Variants in MED12 observed in about 807,000 individuals in gnomAD.
The protein encoded by MED12 is mediator complex subunit 12.
In MED12, 10 loss-of-function variants were observed where a neutral mutation model predicts 177.7. The observed-to-expected ratio is 0.06, with a 90% CI of 0.03 to 0.10. MED12 has a LOEUF of 0.10. Ranked by LOEUF, MED12 falls within the 10% of genes least tolerant of loss-of-function variation. MED12 has a pLI of 1.00. For missense variants in MED12, 867 were observed against 1,780.8 expected, an observed-to-expected ratio of 0.49 and a Z score of 9.23; for synonymous variants, 641 against 678.4, an observed-to-expected ratio of 0.94 and a Z score of 0.86.
rs778635250 is a variant in MED12 at position 71,121,401 on chromosome X, T to C, written c.810T>C (p.Asp270=). Residue 270 remains aspartate, a synonymous_variant, in exon 6 of 45, where the codon GAT becomes GAC. Coordinates refer to ENST00000374080, the MANE Select transcript of MED12 (RefSeq NM_005120.3). ...ECFEKIRPGE[D]ELLKLLLPLL... is the part of the protein sequence containing the mutation. The stretch of plus-strand genomic sequence containing the variant: ...TTGAGAAGATCCGCCCTGGAGAGGA[T>C]GAATTGCTTAAACTGCTGCTGCCTC... The C allele has an allele frequency of 5.8e-6, 7 of 1,209,980 alleles. No individual in the cohort carries two copies. In the African/African-American group the frequency reaches 1.2e-4, roughly 21 times the overall value.
At chrX:71,131,416 G>A (rs1301177586) in intron 28 of MED12, 134 bp from the exon 29 acceptor site, 27 of 573,512 alleles carry the variant, frequency 4.7e-5, no homozygotes, top group Non-Finnish European at 6.9e-5. Context: ...TAAAGATGGG[G>A]ACATAGAGGT....
intron 21 of MED12, 71 bp from the exon 22 acceptor site, chrX:71,127,822 C>T: frequency 2.5e-6 from 2 of 811,115 alleles, no homozygotes; most frequent in Non-Finnish European, 3.7e-6. Context: ...CTTTTCTCCC[C>T]TTTCCTGACC....
At position 71,125,833 on chromosome X, in the gene MED12, T is replaced by C. The variant is rs73214869; in HGVS notation, c.2422+120T>C. ...AGTCTGTGGTCCTCTAAACCTTTGCTTCACTGTCCCCTTCCCTTCATTCCT... is the reference window on the plus strand; with the variant it reads ...AGTCTGTGGTCCTCTAAACCTTTGCCTCACTGTCCCCTTCCCTTCATTCCT... On this transcript the variant is annotated intron_variant, in intron 17 of 44. Coordinates refer to ENST00000374080, the MANE Select transcript of MED12 (RefSeq NM_005120.3). 3.1e-5 allele frequency: 21 copies of C among 684,329 alleles called. No individual in the cohort carries two copies. In the East Asian group the frequency reaches 7.1e-4, roughly 23 times the overall value. The allele number at this position is 684,329 out of a possible 1,213,427, so 56.4% of individuals were successfully genotyped here. A position where few individuals can be genotyped will look rare whatever the true frequency, so the allele number is the denominator to read the frequency against.
intron 1 of MED12, 63 bp from the exon 2 acceptor site, chrX:71,119,310 C>G (rs1408295853): frequency 2.4e-6 from 2 of 820,379 alleles, no homozygotes; most frequent in Admixed American, 2.6e-5. Flanking sequence ...TCCTGCCCTA[C>G]TCTCCCACCC....
intron 31 of MED12, 103 bp downstream of exon 31, chrX:71,132,641 G>A (rs772680405): frequency 5.7e-5 from 58 of 1,015,952 alleles, no homozygotes; most frequent in Non-Finnish European, 7.4e-5. Flanking sequence ...ATAGGAAAGT[G>A]GAAAATCAGA....
rs1467717182 is a variant in MED12 at position 71,119,492 on chromosome X, C to T, written c.204+15C>T. ...ATCCTGCCAAGGTGAGACAACTCTGCCAGGCTGAAGGAAAAGGCTGGAAGA... is the reference window on the plus strand; with the variant it reads ...ATCCTGCCAAGGTGAGACAACTCTGTCAGGCTGAAGGAAAAGGCTGGAAGA... On this transcript the variant is annotated intron_variant, in intron 2 of 44. Coordinates refer to ENST00000374080, the MANE Select transcript of MED12 (RefSeq NM_005120.3). 1 of 1,163,152 alleles carries T rather than the reference C, an allele frequency of 8.6e-7. No homozygotes were observed. Among genetic ancestry groups the T allele is most frequent in the Non-Finnish European group, 1.2e-6 (1 of 862,043 alleles).
In MED12 at chrX:71,126,430, C is replaced by T. The variant is rs751190759; in HGVS notation, c.2631C>T (p.Phe877=). Reference sequence around the variant, plus strand: ...TGGTGCAGCATGTGCAGTTCATCTTCGACCTCATGGAATATTCACTCAGCA... The same window carrying T: ...TGGTGCAGCATGTGCAGTTCATCTTTGACCTCATGGAATATTCACTCAGCA... ...LPLVQHVQFI[F]DLMEYSLSIS... Residue 877 remains phenylalanine (F), a synonymous_variant, in exon 19 of 45, where the codon TTC becomes TTT. Coordinates refer to ENST00000374080, the MANE Select transcript of MED12 (RefSeq NM_005120.3). 1.2e-5 allele frequency: 15 copies of T among 1,210,716 alleles called. No homozygotes were observed. Among genetic ancestry groups the T allele is most frequent in the African/African-American group, 1.7e-5 (1 of 57,442 alleles).
intron 36 of MED12, among the ~76,000 whole-genome samples, 184 bp from the exon 37 acceptor site, chrX:71,136,097 A>C (rs1602304215): frequency 4.2e-5 from 4 of 95,541 alleles, no homozygotes; most frequent in Admixed American, 1.2e-4. Context: ...CCTGTGCCCC[A>C]CCCTTCACTC....
At chrX:71,123,316 C>T in intron 11 of MED12, 90 bp downstream of exon 11, 1 of 1,119,488 alleles carries the variant, frequency 8.9e-7, no homozygotes. Flanking sequence ...GTGGAGGGAC[C>T]AGAGTTGAAG....
intron 33 of MED12, 50 bp downstream of exon 33, chrX:71,133,262 C>T (rs767627154): frequency 1.4e-5 from 13 of 902,647 alleles, no homozygotes; most frequent in South Asian, 3.9e-5. Flanking sequence ...GCTGGAAATG[C>T]GGAGTGCAAA....
chrX:71,134,944 C>T lies in MED12; in HGVS notation c.4863+96C>T, dbSNP rs2092328459. The T allele has an allele frequency of 1.5e-5, 17 of 1,164,114 alleles. No homozygotes were observed. In the Admixed American group the frequency reaches 3.9e-4, roughly 27 times the overall value. On this transcript the variant is annotated intron_variant, in intron 35 of 44. Coordinates refer to ENST00000374080, the MANE Select transcript of MED12 (RefSeq NM_005120.3). ...TGGCTGGAGCCCTCTACCTTTCCTT[C>T]TCACGTCTGCCTTTTCTTTGTTACT...
chrX:71,124,034 G>C, intron 12 of MED12, 125 bp from the exon 13 acceptor site: 2 of 612,358 alleles, frequency 3.3e-6, no homozygotes, highest in South Asian at 4.9e-5. Context: ...ACCACACTTT[G>C]TCCCTCAACA....
intron 25 of MED12, 38 bp from the exon 26 acceptor site, chrX:71,129,278 T>A (rs2147805194): frequency 8.5e-7 from 1 of 1,175,278 alleles, no homozygotes; most frequent in Non-Finnish European, 1.2e-6. Flanking sequence ...CTCCGTGGAT[T>A]CTACTTTTGC....
chrX:71,136,645 C>T lies in MED12; in HGVS notation c.5390C>T (p.Thr1797Ile). 2 of 1,208,477 alleles carry T rather than the reference C, an allele frequency of 1.7e-6. No individual in the cohort carries two copies. The highest frequency in any genetic ancestry group is 2.2e-6 in the Non-Finnish European group (2 of 894,739). ...TKGKKRSQPA[T>I]KTEDYGMGPG... ...GGCAAGAAACGCAGCCAGCCAGCTA[C>T]CAAGACAGAGGTGAGCGCCTCCCCC... is the stretch of plus-strand genomic sequence containing the variant. The change falls in exon 37 of 45, where the codon ACC becomes ATC. Residue 1797 changes from threonine (T) to isoleucine (I), a missense_variant. Transcript: ENST00000374080.
At chrX:71,133,362 C>A (rs1355521552) in intron 33 of MED12, 150 bp downstream of exon 33, 7 of 450,410 alleles carry the variant, frequency 1.6e-5, no homozygotes, top group Non-Finnish European at 2.7e-5. Context: ...GAGTCAGAGT[C>A]TCACTCTGTC....
chrX:71,125,193 G>A, intron 15 of MED12, 47 bp downstream of exon 15: 1 of 1,200,790 alleles, frequency 8.3e-7, no homozygotes, highest in Non-Finnish European at 1.1e-6. Flanking sequence ...AACCCAGATT[G>A]CTGTCAAAGG....
At chrX:71,126,895 G>C (rs916842609) in intron 19 of MED12, 74 bp from the exon 20 acceptor site, 1 of 1,081,612 alleles carries the variant, frequency 9.2e-7, no homozygotes, top group Non-Finnish European at 1.3e-6. Context: ...CCTTGCCAGC[G>C]TCCCCACAGG....
chrX:71,135,841 TTCTC>T (rs1316587537), intron 36 of MED12, among the ~76,000 whole-genome samples: 2 of 110,977 alleles, frequency 1.8e-5, no homozygotes, highest in African/African-American at 6.6e-5. Flanking sequence ...TCCTGTTTCT[TTCTC>T]TCTCTGACTC....
intron 36 of MED12, 146 bp downstream of exon 36, chrX:71,135,399 A>G: frequency 1.6e-6 from 1 of 633,443 alleles, no homozygotes; most frequent in Non-Finnish European, 2.5e-6. Context: ...TGGGGTTTTG[A>G]GCAAATCACT....
Sources: allele counts gnomAD v4.1 joint callset (sites outside exome capture counted in the v4.1 genomes callset), GRCh38; gene constraint gnomAD v4.1.1; transcripts MANE v1.5; gene names NCBI Gene and HGNC (gene_info 2026-07-23, HGNC 2026-07-21).